OSBPL1A: variants seen among roughly 807,000 people sequenced by gnomAD.
The protein encoded by OSBPL1A is oxysterol-binding protein-related protein 1.
In OSBPL1A, 80 loss-of-function variants were observed where a neutral mutation model predicts 137.1. The observed-to-expected ratio is 0.58, with a 90% CI of 0.49 to 0.70. The LOEUF is 0.70. Among genes scored for constraint, OSBPL1A ranks in the 30% least tolerant of loss-of-function variants. The pLI, the probability that OSBPL1A is intolerant of heterozygous loss-of-function variation, is 0.00. For synonymous variants in OSBPL1A, 365 were observed against 389.7 expected, an observed-to-expected ratio of 0.94 and a Z score of 0.75; for missense variants, 970 against 1,129.4, an observed-to-expected ratio of 0.86 and a Z score of 2.02.
At chr18:24,306,400 A>C (rs1042679149) in intron 13 of OSBPL1A, among the ~76,000 whole-genome samples, 15 of 152,252 alleles carry the variant, frequency 9.9e-5, no homozygotes, top group African/African-American at 3.1e-4. Flanking sequence ...TAGAGAAGTA[A>C]TTAATTCCAG....
At chr18:24,361,422 T>C (rs943566757) in intron 4 of OSBPL1A, among the ~76,000 whole-genome samples, 1 of 152,242 alleles carries the variant, frequency 6.6e-6, no homozygotes. Context: ...ATACATCGTT[T>C]ATCCAAAAGT....
At chr18:24,281,813 G>T (rs2146075302) in intron 14 of OSBPL1A, among the ~76,000 whole-genome samples, 1 of 152,302 alleles carries the variant, frequency 6.6e-6, no homozygotes, top group African/African-American at 2.4e-5. Context: ...GGAGTCCCCA[G>T]ACCCGGGCTG....
chr18:24,260,312 A>G (rs1460875679), intron 15 of OSBPL1A, among the ~76,000 whole-genome samples: 1 of 152,176 alleles, frequency 6.6e-6, no homozygotes, highest in Non-Finnish European at 1.5e-5. Flanking sequence ...TCCTACTTTT[A>G]GGTATATACC....
intron 18 of OSBPL1A, among the ~76,000 whole-genome samples, chr18:24,192,520 C>T (rs2086913956): frequency 6.6e-6 from 1 of 152,154 alleles, no homozygotes; most frequent in Non-Finnish European, 1.5e-5. Flanking sequence ...TATAATCTGA[C>T]ATTTTGATAA....
At chr18:24,392,667 C>T (rs1328893647) in intron 1 of OSBPL1A, among the ~76,000 whole-genome samples, 1 of 152,092 alleles carries the variant, frequency 6.6e-6, no homozygotes, top group Non-Finnish European at 1.5e-5. Context: ...AAAACCAGTA[C>T]CGTGCTTAGC....
chr18:24,239,451 G>T, intron 15 of OSBPL1A, 69 bp from the exon 16 acceptor site: 1 of 1,397,678 alleles, frequency 7.2e-7, no homozygotes, highest in Non-Finnish European at 9.9e-7. Flanking sequence ...CAGAGGATGT[G>T]AAAATTAATT....
At chr18:24,311,529 C>T (rs552470182) in intron 13 of OSBPL1A, 1 of 988,990 alleles carries the variant, frequency 1.0e-6, no homozygotes, top group South Asian at 4.6e-5. Flanking sequence ...TGATGCTTTA[C>T]CTTATCTCTT....
At chr18:24,193,487 C>CA (rs61065111) in intron 18 of OSBPL1A, among the ~76,000 whole-genome samples, 3,695 of 78,744 alleles carry the variant, frequency 0.047, 113 homozygotes, top group African/African-American at 0.12. Context: ...GACTCCGACT[C>CA]AAAAAAAAAA....
chr18:24,246,155 T>C (rs1228853275), intron 15 of OSBPL1A, among the ~76,000 whole-genome samples: 2 of 151,956 alleles, frequency 1.3e-5, no homozygotes, highest in Non-Finnish European at 2.9e-5. Context: ...GAGGTTGTAG[T>C]GAGCCAAGAT....
At position 24,333,000 on chromosome 18, in the gene OSBPL1A, T is replaced by C. The variant is rs758342769; in HGVS notation, c.567A>G (p.Lys189=). The change falls in exon 7 of 28, where the codon AAA becomes AAG. Residue 189 remains lysine (K), a synonymous_variant. Coordinates refer to ENST00000319481, the MANE Select transcript of OSBPL1A (RefSeq NM_080597.4). ...PLHCAAYRAH[K]QCALKLLRSG... ...TTCTTAGAAGCTTTAAGGCACATTG[T>C]TTATGGGCCCGGTAAGCTGCACAAT... 2.5e-6 allele frequency: 4 copies of C among 1,614,200 alleles called. No homozygotes were observed. The highest frequency in any genetic ancestry group is 1.1e-5 in the South Asian group (1 of 91,084).
chr18:24,341,122 A>G (rs1484221749), intron 5 of OSBPL1A, among the ~76,000 whole-genome samples: 2 of 152,168 alleles, frequency 1.3e-5, no homozygotes, highest in East Asian at 1.9e-4. Flanking sequence ...CCGCCTCCCA[A>G]GTAGCTGAGA....
chr18:24,234,112 A>T (rs2088367485), intron 16 of OSBPL1A, among the ~76,000 whole-genome samples: 1 of 152,234 alleles, frequency 6.6e-6, no homozygotes, highest in South Asian at 2.1e-4. Flanking sequence ...AGAAAAAACA[A>T]CACTGATAGG....
intron 22 of OSBPL1A, 96 bp downstream of exon 22, chr18:24,172,280 C>T: frequency 1.1e-6 from 1 of 922,044 alleles, no homozygotes; most frequent in South Asian, 1.5e-5. Context: ...TGTTCTAGAG[C>T]TTTTCTTTAA....
At chr18:24,395,702 A>G (rs1907686928) in intron 1 of OSBPL1A, among the ~76,000 whole-genome samples, 1 of 151,070 alleles carries the variant, frequency 6.6e-6, no homozygotes. Flanking sequence ...TTCACTTACC[A>G]TCTCCGCCTC....
At chr18:24,225,265 C>T (rs1461147374) in intron 16 of OSBPL1A, 67 bp from the exon 17 acceptor site, 1 of 1,562,430 alleles carries the variant, frequency 6.4e-7, no homozygotes, top group Non-Finnish European at 8.8e-7. Flanking sequence ...ACAATGGATC[C>T]CTCCCTTCAT....
At chr18:24,361,639 T>C (rs1301214562) in intron 4 of OSBPL1A, among the ~76,000 whole-genome samples, 1 of 152,208 alleles carries the variant, frequency 6.6e-6, no homozygotes, top group East Asian at 1.9e-4. Context: ...AAAACTTACC[T>C]TGTGCTCATG....
At position 24,166,598 on chromosome 18, in the gene OSBPL1A, G is replaced by T; in HGVS notation, c.2640C>A (p.Ala880=). ...TDCRLRPDIR[A]MENGEIDQAS... ...AGTTACCTATCTCTCCATTTTCCAT[G>T]GCTCTGATGTCAGGCCGTAACCTGC... Residue 880 remains alanine, a synonymous_variant, in exon 26 of 28, where the codon GCC becomes GCA. Coordinates refer to ENST00000319481, the MANE Select transcript of OSBPL1A (RefSeq NM_080597.4). 6.2e-7 allele frequency: 1 copy of T among 1,610,124 alleles called. No homozygotes were observed. The highest frequency in any genetic ancestry group is 8.5e-7 in the Non-Finnish European group (1 of 1,178,874).
chr18:24,349,729 G>GAA (rs80193998), intron 4 of OSBPL1A, among the ~76,000 whole-genome samples: 2 of 65,826 alleles, frequency 3.0e-5, no homozygotes, highest in Admixed American at 1.6e-4. Context: ...AAAGAAAAAA[G>GAA]AAAAAAAAAA....
chr18:24,230,631 A>G (rs2088241536), intron 16 of OSBPL1A, among the ~76,000 whole-genome samples: 2 of 152,206 alleles, frequency 1.3e-5, no homozygotes, highest in African/African-American at 4.8e-5. Flanking sequence ...TACAATATAC[A>G]TAGCTAGACT....
Sources: gnomAD v4.1 joint callset for allele counts (sites outside exome capture counted in the v4.1 genomes callset) on GRCh38, gnomAD v4.1.1 for gene constraint, MANE v1.5 for transcripts, NCBI Gene and HGNC (gene_info 2026-07-23, HGNC 2026-07-21) for gene names.